Variants in SYN2 observed in about 807,000 individuals in gnomAD.
SYN2 encodes the protein synapsin II.
SYN2 carries 19 observed loss-of-function variants against 50.9 expected under a neutral mutation model. The observed-to-expected ratio is 0.37, with a 90% CI of 0.26 to 0.55. SYN2 has a LOEUF of 0.55. SYN2 is among the 20% of genes least tolerant of loss of function. The pLI, the probability that SYN2 is intolerant of heterozygous loss-of-function variation, is 0.81. For missense variants in SYN2, 587 were observed against 576.4 expected (o/e 1.02, Z -0.19); for synonymous variants, 255 against 224.9 (o/e 1.13, Z -1.20).
chr3:12,134,570 TC>T (rs1696856974), intron 1 of SYN2, among the ~76,000 whole-genome samples: 1 of 152,224 alleles, frequency 6.6e-6, no homozygotes, highest in Non-Finnish European at 1.5e-5. Flanking sequence ...TTCATGGACT[TC>T]TCCAGGCAGG....
chr3:12,093,437 G>C (rs160219), intron 1 of SYN2, among the ~76,000 whole-genome samples: 141,786 of 152,230 alleles, frequency 0.93, 66,109 homozygotes, highest in East Asian at 1. Context: ...TCCCGGGCAT[G>C]TGAGTTATTT....
chr3:12,135,683 A>G (rs1206132635), intron 1 of SYN2, among the ~76,000 whole-genome samples: 7 of 152,188 alleles, frequency 4.6e-5, no homozygotes, highest in African/African-American at 1.2e-4. Context: ...GAAGGAAAGA[A>G]CTTGACCCTC....
chr3:12,189,806 AC>A (rs1221755372), intron 12 of SYN2, among the ~76,000 whole-genome samples: 2 of 145,770 alleles, frequency 1.4e-5, no homozygotes, highest in African/African-American at 2.5e-5. Flanking sequence ...TCAAAAAAAA[AC>A]AAAACAAAAC....
At position 12,145,632 on chromosome 3, in the gene SYN2, G is replaced by A. The variant is rs763883391; in HGVS notation, c.528-47G>A. 9.4e-6 allele frequency: 15 copies of A among 1,600,920 alleles called. No individual in the cohort carries two copies. In the South Asian group the frequency reaches 1.6e-4, roughly 17 times the overall value. On this transcript the variant is annotated intron_variant, in intron 3 of 12. Coordinates refer to ENST00000621198, the MANE Select transcript of SYN2 (RefSeq NM_133625.6). ...GAAATGGGAACCAAAATGATGTATGGCCTGAAGTGCTGGTTAATGGCAAAC... is the reference window on the plus strand; with the variant it reads ...GAAATGGGAACCAAAATGATGTATGACCTGAAGTGCTGGTTAATGGCAAAC...
At chr3:12,085,338 T>C (rs1695672994) in intron 1 of SYN2, among the ~76,000 whole-genome samples, 2 of 136,656 alleles carry the variant, frequency 1.5e-5, no homozygotes, top group Admixed American at 1.6e-4. Context: ...TATATATATA[T>C]GATTGTTATG....
intron 12 of SYN2, 124 bp from the exon 13 acceptor site, chr3:12,190,366 C>A: frequency 8.9e-7 from 1 of 1,126,850 alleles, no homozygotes; most frequent in Non-Finnish European, 1.3e-6. Flanking sequence ...TGGCATTATC[C>A]TCCATCACCT....
intron 1 of SYN2, among the ~76,000 whole-genome samples, chr3:12,069,287 C>T (rs2648346): frequency 1.3e-5 from 2 of 150,690 alleles, no homozygotes; most frequent in Non-Finnish European, 2.9e-5. Flanking sequence ...CTTGCCCTGT[C>T]ACCCAGGCTG....
chr3:12,185,560 G>A (rs1574896415), intron 11 of SYN2: 1 of 985,768 alleles, frequency 1.0e-6, no homozygotes, highest in East Asian at 1.1e-4. Flanking sequence ...TCACAGTATA[G>A]GATTGCCATT....
At position 12,158,709 on chromosome 3, in the gene SYN2, C is replaced by A. The variant is rs780231535; in HGVS notation, c.775-2837C>A. 1.3e-5 allele frequency: 21 copies of A among 1,610,352 alleles called. No homozygotes were observed. The South Asian group carries it at 2.2e-4, about 17-fold the overall frequency. On this transcript the variant is annotated intron_variant, in intron 5 of 12. Transcript: ENST00000621198. ...CGCGGACCTCGGACTCACCAAGTGC[C>A]GAGTGGCAGATGTGCTGCTGAGGGT... is the stretch of plus-strand genomic sequence containing the variant.
At chr3:12,158,700 A>G in intron 5 of SYN2, 1 of 1,610,234 alleles carries the variant, frequency 6.2e-7, no homozygotes, top group Non-Finnish European at 8.5e-7. Flanking sequence ...CCTCGGACTC[A>G]CCAAGTGCCG....
chr3:12,152,431 G>T (rs1411005080), intron 5 of SYN2, among the ~76,000 whole-genome samples: 1 of 152,198 alleles, frequency 6.6e-6, no homozygotes, highest in Non-Finnish European at 1.5e-5. Flanking sequence ...ATCTCAGGGA[G>T]CCCAAGGCAC....
intron 10 of SYN2, among the ~76,000 whole-genome samples, chr3:12,180,101 A>C (rs1284930123): frequency 2.0e-5 from 3 of 152,092 alleles, no homozygotes; most frequent in East Asian, 3.9e-4. Flanking sequence ...AGCACATGCC[A>C]CCATGCCCAC....
chr3:12,053,996 A>G (rs984165064), intron 1 of SYN2, among the ~76,000 whole-genome samples: 1 of 152,142 alleles, frequency 6.6e-6, no homozygotes, highest in African/African-American at 2.4e-5. Flanking sequence ...GGGAGGTGCA[A>G]TCCCAGGGCA....
chr3:12,137,365 A>G (rs1209089117), intron 1 of SYN2, among the ~76,000 whole-genome samples: 1 of 152,108 alleles, frequency 6.6e-6, no homozygotes, highest in Non-Finnish European at 1.5e-5. Flanking sequence ...AAATGCTGGT[A>G]AGAGTGGTAT....
In SYN2 at chr3:12,144,367, G is replaced by C. The variant is rs150135436; in HGVS notation, c.528-1312G>C. On this transcript the variant is annotated intron_variant, in intron 3 of 12. Coordinates refer to ENST00000621198, the MANE Select transcript of SYN2 (RefSeq NM_133625.6). Reference sequence around the variant, plus strand: ...CTGGCATCTGTCCTCAACCAGCCTGGCCCCTTGCTCTCCTGGGGGCCTGAT... The same window carrying C: ...CTGGCATCTGTCCTCAACCAGCCTGCCCCCTTGCTCTCCTGGGGGCCTGAT... Among the ~76,000 whole-genome samples, 30 of 152,266 alleles carry C rather than the reference G, an allele frequency of 2.0e-4. 1 individual carries two copies. Among genetic ancestry groups the C allele is most frequent in the Admixed American group, 3.3e-4 (5 of 15,302 alleles).
intron 1 of SYN2, among the ~76,000 whole-genome samples, chr3:12,005,540 G>A (rs1421245222): frequency 6.8e-6 from 1 of 147,868 alleles, no homozygotes; most frequent in African/African-American, 2.5e-5. Flanking sequence ...TAATAAAATT[G>A]TTGTATTTTG....
At chr3:12,141,476 G>A (rs754428667) in intron 2 of SYN2, among the ~76,000 whole-genome samples, 2 of 152,312 alleles carry the variant, frequency 1.3e-5, no homozygotes, top group Non-Finnish European at 2.9e-5. Flanking sequence ...GTTTTATGCA[G>A]CTAGGTAAGG....
intron 5 of SYN2, among the ~76,000 whole-genome samples, chr3:12,154,700 G>A (rs1031423484): frequency 6.6e-6 from 1 of 152,246 alleles, no homozygotes; most frequent in Non-Finnish European, 1.5e-5. Flanking sequence ...GCATGGTACA[G>A]AGAGAAGAAT....
At chr3:12,158,401 T>A (rs1489708610) in intron 5 of SYN2, among the ~76,000 whole-genome samples, 1 of 152,132 alleles carries the variant, frequency 6.6e-6, no homozygotes, top group Admixed American at 6.5e-5. Flanking sequence ...TTCAGAATAA[T>A]CATCAGATAG....
Sources: allele counts gnomAD v4.1 joint callset (sites outside exome capture counted in the v4.1 genomes callset), GRCh38; gene constraint gnomAD v4.1.1; transcripts MANE v1.5; gene names NCBI Gene and HGNC (gene_info 2026-07-23, HGNC 2026-07-21).